PTPRD: variants seen among roughly 807,000 people sequenced by gnomAD.
The protein encoded by PTPRD is protein tyrosine phosphatase receptor type D.
PTPRD carries 34 observed loss-of-function variants against 214.5 expected under a neutral mutation model. The observed-to-expected ratio is 0.16, with a 90% CI of 0.12 to 0.21. The LOEUF is 0.21. PTPRD is among the 10% of genes least tolerant of loss of function. The pLI is 1.00. For synonymous variants in PTPRD, 1,128 were observed against 845.7 expected, an observed-to-expected ratio of 1.33 and a Z score of -5.79; for missense variants, 2,545 against 2,398.7, an observed-to-expected ratio of 1.06 and a Z score of -1.27.
chr9:8,340,201 C>T, intron 42 of PTPRD, 142 bp downstream of exon 42: 3 of 970,398 alleles, frequency 3.1e-6, no homozygotes, highest in Non-Finnish European at 4.2e-6. Flanking sequence ...TAGAAACTAA[C>T]AAGGAATGAT....
At chr9:9,920,547 A>C (rs1422193676) in intron 5 of PTPRD, among the ~76,000 whole-genome samples, 1 of 152,166 alleles carries the variant, frequency 6.6e-6, no homozygotes, top group African/African-American at 2.4e-5. Flanking sequence ...GCAGATCCAC[A>C]TTAATCTGAA....
intron 8 of PTPRD, among the ~76,000 whole-genome samples, chr9:9,566,417 A>G: frequency 6.6e-6 from 1 of 152,038 alleles, no homozygotes; most frequent in East Asian, 1.9e-4. Context: ...TCAAAAATTT[A>G]AACTCAGATT....
chr9:9,519,390 TC>T (rs2096911846), intron 8 of PTPRD, among the ~76,000 whole-genome samples: 1 of 151,388 alleles, frequency 6.6e-6, no homozygotes, highest in African/African-American at 2.4e-5. Context: ...AGAGAAAGAA[TC>T]AACAGTTACA....
intron 10 of PTPRD, among the ~76,000 whole-genome samples, chr9:9,037,411 T>C (rs2099625419): frequency 6.6e-6 from 1 of 152,148 alleles, no homozygotes; most frequent in Non-Finnish European, 1.5e-5. Flanking sequence ...ACCTTAATGT[T>C]TCAACCATTA....
At chr9:10,097,520 C>T (rs905760369) in intron 3 of PTPRD, among the ~76,000 whole-genome samples, 3 of 151,388 alleles carry the variant, frequency 2.0e-5, no homozygotes, top group African/African-American at 7.3e-5. Context: ...GGAGTTCACT[C>T]ATGATTTGGC....
chr9:9,735,581 G>C (rs546180652), intron 6 of PTPRD, among the ~76,000 whole-genome samples: 2 of 152,106 alleles, frequency 1.3e-5, no homozygotes, highest in South Asian at 4.1e-4. Flanking sequence ...CATAATGCTG[G>C]ACCACTAATT....
chr9:9,675,578 A>G (rs1191948931), intron 7 of PTPRD, among the ~76,000 whole-genome samples: 1 of 151,928 alleles, frequency 6.6e-6, no homozygotes, highest in Non-Finnish European at 1.5e-5. Flanking sequence ...AAAGTAGATT[A>G]AAATAACATT....
chr9:9,970,414 AG>A (rs1198779173), intron 4 of PTPRD, among the ~76,000 whole-genome samples: 5 of 144,298 alleles, frequency 3.5e-5, no homozygotes, highest in African/African-American at 1.3e-4. Flanking sequence ...CCTGGGCGAC[AG>A]CGAGACTCCT....
intron 3 of PTPRD, among the ~76,000 whole-genome samples, chr9:10,166,137 G>A (rs2099157716): frequency 1.4e-5 from 2 of 147,874 alleles, no homozygotes; most frequent in African/African-American, 4.9e-5. Context: ...ATAAACCTAT[G>A]TTTTAAAATA....
chr9:8,646,843 C>A (rs79787945), intron 12 of PTPRD, among the ~76,000 whole-genome samples: 4,650 of 152,256 alleles, frequency 0.031, 253 homozygotes, highest in African/African-American at 0.11. Context: ...AGTTTCAATG[C>A]ATACATGAGC....
At chr9:10,345,856 T>C (rs545934290) in intron 2 of PTPRD, among the ~76,000 whole-genome samples, 74 of 152,284 alleles carry the variant, frequency 4.9e-4, no homozygotes, top group African/African-American at 1.8e-3. Flanking sequence ...TCCACATGCT[T>C]GAAGTAATTT....
chr9:9,760,813 T>C (rs1176089098), intron 6 of PTPRD, among the ~76,000 whole-genome samples: 2 of 152,002 alleles, frequency 1.3e-5, no homozygotes, highest in Non-Finnish European at 2.9e-5. Context: ...TCAATAGCCA[T>C]TAGAGAAATG....
At chr9:9,688,687 C>G (rs542227856) in intron 7 of PTPRD, among the ~76,000 whole-genome samples, 1 of 151,850 alleles carries the variant, frequency 6.6e-6, no homozygotes, top group African/African-American at 2.4e-5. Flanking sequence ...ATCTTGTATA[C>G]TCTAATCTCT....
At chr9:8,344,602 T>C (rs1855776322) in intron 39 of PTPRD, among the ~76,000 whole-genome samples, 1 of 152,054 alleles carries the variant, frequency 6.6e-6, no homozygotes, top group Admixed American at 6.6e-5. Flanking sequence ...TGCCCAATCC[T>C]GCTATTCATA....
rs536225965 is a variant in PTPRD, at chr9:9,992,493, A to G, written c.-472+41225T>C. On this transcript the variant is annotated intron_variant, in intron 4 of 45. Coordinates refer to ENST00000381196, the MANE Select transcript of PTPRD (RefSeq NM_002839.4). ...ATAAATCATGCTGCTATAAAGACAC[A>G]TGCACATGTATGTTTATAGCAGCAC... Among the ~76,000 whole-genome samples, 39 of 152,168 alleles carry G rather than the reference A, an allele frequency of 2.6e-4. No individual in the cohort carries two copies. In the South Asian group the frequency reaches 7.9e-3, roughly 31 times the overall value.
intron 8 of PTPRD, among the ~76,000 whole-genome samples, chr9:9,507,913 A>G (rs1463063240): frequency 6.6e-6 from 1 of 151,510 alleles, no homozygotes; most frequent in Non-Finnish European, 1.5e-5. Context: ...CTCTGTATTC[A>G]GAGAAAACTT....
chr9:8,444,970 T>C (rs1370891324), intron 34 of PTPRD, among the ~76,000 whole-genome samples: 1 of 152,178 alleles, frequency 6.6e-6, no homozygotes, highest in Non-Finnish European at 1.5e-5. Flanking sequence ...TAAATGCATC[T>C]TTTATAAGTG....
chr9:8,602,863 T>C (rs560548075), intron 14 of PTPRD, among the ~76,000 whole-genome samples: 4 of 152,330 alleles, frequency 2.6e-5, no homozygotes, highest in Non-Finnish European at 5.9e-5. Flanking sequence ...TCCATCTCCA[T>C]CTCTATGCAC....
At chr9:8,941,428 T>C (rs1330999451) in intron 11 of PTPRD, among the ~76,000 whole-genome samples, 2 of 152,134 alleles carry the variant, frequency 1.3e-5, no homozygotes, top group African/African-American at 4.8e-5. Flanking sequence ...TGTATATATA[T>C]AGTGATTTTA....
Sources: allele counts gnomAD v4.1 joint callset (sites outside exome capture counted in the v4.1 genomes callset), GRCh38; gene constraint gnomAD v4.1.1; transcripts MANE v1.5; gene names NCBI Gene and HGNC (gene_info 2026-07-23, HGNC 2026-07-21).